Variants in BMERB1 observed in about 807,000 individuals in gnomAD.
The protein encoded by BMERB1 is bMERB domain containing 1.
In BMERB1, 12 loss-of-function variants were observed where a neutral mutation model predicts 23.6. That is an observed-to-expected ratio of 0.51 (90% CI 0.33 to 0.82). The LOEUF is 0.82. BMERB1 is among the 40% of genes least tolerant of loss of function. The pLI is 0.03. For missense variants in BMERB1, 247 were observed against 255.4 expected, an observed-to-expected ratio of 0.97 and a Z score of 0.22; for synonymous variants, 122 against 96.6, an observed-to-expected ratio of 1.26 and a Z score of -1.54.
intron 2 of BMERB1, among the ~76,000 whole-genome samples, chr16:15,559,586 G>C (rs1389991145): frequency 6.6e-6 from 1 of 152,200 alleles, no homozygotes; most frequent in Non-Finnish European, 1.5e-5. Flanking sequence ...TTTATGCACA[G>C]AAAGTGCATT....
At chr16:15,505,646 T>G (rs1002253792) in intron 1 of BMERB1, among the ~76,000 whole-genome samples, 1 of 152,192 alleles carries the variant, frequency 6.6e-6, no homozygotes, top group South Asian at 2.1e-4. Flanking sequence ...TCCCAGCACT[T>G]TGGGAGGCCG....
intron 2 of BMERB1, among the ~76,000 whole-genome samples, chr16:15,523,211 C>T (rs1176522178): frequency 6.6e-6 from 1 of 152,170 alleles, no homozygotes; most frequent in African/African-American, 2.4e-5. Flanking sequence ...CTTCTGCCAG[C>T]GTGTTCCTCT....
At chr16:15,515,081 AAAAAC>A (rs1244044227) in intron 1 of BMERB1, among the ~76,000 whole-genome samples, 3 of 152,182 alleles carry the variant, frequency 2.0e-5, no homozygotes, top group Non-Finnish European at 2.9e-5. Context: ...GACTCCGTCT[AAAAAC>A]AAAACAAAAC....
chr16:15,506,302 A>G (rs144481105), intron 1 of BMERB1, among the ~76,000 whole-genome samples: 5 of 151,768 alleles, frequency 3.3e-5, no homozygotes, highest in African/African-American at 1.2e-4. Context: ...CAGCCTCCCA[A>G]GTAGCTGGGA....
At chr16:15,475,945 C>T (rs1376556140) in intron 1 of BMERB1, among the ~76,000 whole-genome samples, 1 of 152,154 alleles carries the variant, frequency 6.6e-6, no homozygotes, top group Non-Finnish European at 1.5e-5. Flanking sequence ...ACATTGCTGA[C>T]CTCATTCTCC....
At chr16:15,466,924 A>G (rs983013243) in intron 1 of BMERB1, among the ~76,000 whole-genome samples, 2 of 152,280 alleles carry the variant, frequency 1.3e-5, no homozygotes, top group Admixed American at 6.5e-5. Flanking sequence ...CATTTCAAGA[A>G]TATTAAAGAA....
Position 15,544,472 on chromosome 16 carries a change from G to C in BMERB1, c.231-23511G>C, listed in dbSNP as rs114670387. Among the ~76,000 whole-genome samples, 525 of 152,302 alleles carry C rather than the reference G, an allele frequency of 3.4e-3. 7 individuals carry two copies. The highest frequency in any genetic ancestry group is 0.012 in the African/African-American group (499 of 41,560). ...CCGCAGGGAAGACTAAAATGGGTAG[G>C]ACTGGTCCCTATAGTTGCAGATTTA... On this transcript the variant is annotated intron_variant, in intron 2 of 5. Transcript: ENST00000300006.
At chr16:15,472,380 G>T (rs183439110) in intron 1 of BMERB1, among the ~76,000 whole-genome samples, 2 of 152,276 alleles carry the variant, frequency 1.3e-5, no homozygotes, top group Non-Finnish European at 2.9e-5. Context: ...GTAGATTTGT[G>T]TACTTCTCCT....
intron 2 of BMERB1, among the ~76,000 whole-genome samples, chr16:15,564,033 G>A (rs2030499443): frequency 6.6e-6 from 1 of 152,226 alleles, no homozygotes; most frequent in African/African-American, 2.4e-5. Context: ...CCTCTCTCTT[G>A]CTTCCACTCT....
intron 2 of BMERB1, among the ~76,000 whole-genome samples, chr16:15,553,516 AT>A (rs2030156502): frequency 6.6e-6 from 1 of 152,220 alleles, no homozygotes. Context: ...CTCTGTCGTG[AT>A]TACTCACCTC....
intron 1 of BMERB1, among the ~76,000 whole-genome samples, chr16:15,488,636 G>A (rs895115368): frequency 1.0e-4 from 15 of 149,616 alleles, no homozygotes; most frequent in African/African-American, 3.4e-4. Flanking sequence ...GAGCAAGACC[G>A]TCCTGGCTAA....
chr16:15,534,865 C>T (rs1300881934), intron 2 of BMERB1, among the ~76,000 whole-genome samples: 1 of 152,208 alleles, frequency 6.6e-6, no homozygotes, highest in East Asian at 1.9e-4. Context: ...TGAGCTCTTG[C>T]AAGTACCACC....
At chr16:15,581,847 A>G (rs1261540218) in intron 4 of BMERB1, among the ~76,000 whole-genome samples, 1 of 152,176 alleles carries the variant, frequency 6.6e-6, no homozygotes, top group Non-Finnish European at 1.5e-5. Context: ...GTGTAAAAAC[A>G]TGTTGTAAAT....
At position 15,464,267 on chromosome 16, in the gene BMERB1, T is replaced by C. The variant is rs140452262; in HGVS notation, c.106+29508T>C. 1.1e-4 allele frequency among the ~76,000 whole-genome samples: 17 copies of C among 150,296 alleles called. No individual in the cohort carries two copies. In the East Asian group the frequency reaches 3.1e-3, roughly 28 times the overall value. On this transcript the variant is annotated intron_variant, in intron 1 of 5. Coordinates refer to ENST00000300006, the MANE Select transcript of BMERB1 (RefSeq NM_033201.3). The stretch of plus-strand genomic sequence containing the variant: ...GGCTGAGGTTGCAGTGAGCTGAGAT[T>C]GGTCCACTGCACTTCAGTCTGGGCG...
At chr16:15,563,441 G>A (rs1248124909) in intron 2 of BMERB1, among the ~76,000 whole-genome samples, 2 of 151,946 alleles carry the variant, frequency 1.3e-5, no homozygotes, top group Non-Finnish European at 2.9e-5. Context: ...GGATGGTCTC[G>A]ATCTCCTGAC....
intron 2 of BMERB1, among the ~76,000 whole-genome samples, chr16:15,562,788 A>T (rs1056519021): frequency 1.3e-4 from 20 of 152,334 alleles, no homozygotes; most frequent in African/African-American, 4.8e-4. Context: ...ACGATCGCTG[A>T]TAGAAACTCA....
At chr16:15,465,111 A>C (rs2051169667) in intron 1 of BMERB1, among the ~76,000 whole-genome samples, 1 of 151,952 alleles carries the variant, frequency 6.6e-6, no homozygotes, top group Non-Finnish European at 1.5e-5. Context: ...GCACAGAACC[A>C]CACACACACA....
chr16:15,442,236 C>G (rs1277764679), intron 1 of BMERB1, among the ~76,000 whole-genome samples: 1 of 151,396 alleles, frequency 6.6e-6, no homozygotes, highest in South Asian at 2.1e-4. Flanking sequence ...GAGGCTGAGG[C>G]GGGAGACTCA....
At chr16:15,504,251 CCTTTT>C (rs2051560326) in intron 1 of BMERB1, among the ~76,000 whole-genome samples, 1 of 152,050 alleles carries the variant, frequency 6.6e-6, no homozygotes, top group South Asian at 2.1e-4. Flanking sequence ...CACGCCAACC[CCTTTT>C]CTTTTCTCTC....
Sources: allele counts gnomAD v4.1 joint callset (sites outside exome capture counted in the v4.1 genomes callset), GRCh38; gene constraint gnomAD v4.1.1; transcripts MANE v1.5; gene names NCBI Gene and HGNC (gene_info 2026-07-23, HGNC 2026-07-21).